The following MLKL variants were observed in gnomAD, a reference collection of about 807,000 sequenced individuals.
The protein encoded by MLKL is mixed lineage kinase domain like pseudokinase, also known as mixed lineage kinase domain-like protein.
In MLKL, 55 loss-of-function variants were observed where a neutral mutation model predicts 56.5. The observed-to-expected ratio is 0.97, with a 90% CI of 0.78 to 1.22. MLKL has a LOEUF of 1.22. MLKL is among the 50% of genes most tolerant of loss of function. The pLI is 0.00. For synonymous variants in MLKL, 251 were observed against 208.3 expected (o/e 1.20, Z -1.76); for missense variants, 694 against 573.9 (o/e 1.21, Z -2.14).
intron 10 of MLKL, among the ~76,000 whole-genome samples, chr16:74,674,082 AT>A (rs1246840356): frequency 5.9e-5 from 9 of 151,398 alleles, no homozygotes; most frequent in African/African-American, 2.2e-4. Flanking sequence ...CCCTTACACT[AT>A]TGACATTGGG....
intron 1 of MLKL, among the ~76,000 whole-genome samples, chr16:74,696,998 C>CAT (rs974506217): frequency 1.4e-5 from 2 of 145,256 alleles, no homozygotes; most frequent in South Asian, 2.1e-4. Context: ...TATAGTAATA[C>CAT]ATATATATAA....
At chr16:74,699,236 A>T (rs755742044) in intron 1 of MLKL, among the ~76,000 whole-genome samples, 1 of 152,254 alleles carries the variant, frequency 6.6e-6, no homozygotes, top group Non-Finnish European at 1.5e-5. Flanking sequence ...CAACCCAGCA[A>T]TCCTTCCCAA....
intron 6 of MLKL, among the ~76,000 whole-genome samples, chr16:74,681,261 A>C (rs893601304): frequency 6.6e-6 from 1 of 151,632 alleles, no homozygotes; most frequent in African/African-American, 2.4e-5. Flanking sequence ...CCTGACCTCA[A>C]GTGATCCACC....
Position 74,672,052 on chromosome 16 carries a change from A to T in MLKL, c.*452T>A, listed in dbSNP as rs1959260023. The T allele has an allele frequency of 6.5e-6, 1 of 154,356 alleles. No homozygotes were observed. Among genetic ancestry groups the T allele is most frequent in the African/African-American group, 2.4e-5 (1 of 41,458 alleles). The allele number at this position is 154,356 out of a possible 1,614,324, so 9.6% of individuals were successfully genotyped here. ...TGGTCTCTCATTCTCCAGCATGCTC[A>T]CTCAACATGTTCATGGCTGGGTAAG... is the stretch of plus-strand genomic sequence containing the variant. On this transcript the variant is annotated 3_prime_UTR_variant, in exon 11 of 11. Coordinates refer to ENST00000308807, the MANE Select transcript of MLKL (RefSeq NM_152649.4).
At chr16:74,681,205 T>C (rs1045813137) in intron 6 of MLKL, among the ~76,000 whole-genome samples, 2 of 151,972 alleles carry the variant, frequency 1.3e-5, no homozygotes, top group African/African-American at 4.8e-5. Flanking sequence ...TCTGTATTTT[T>C]AGTAAAAACA....
At chr16:74,697,664 T>C (rs1372252118) in intron 1 of MLKL, among the ~76,000 whole-genome samples, 1 of 151,924 alleles carries the variant, frequency 6.6e-6, no homozygotes, top group Non-Finnish European at 1.5e-5. Flanking sequence ...GAGACCCATC[T>C]CTACTAAAAA....
chr16:74,681,101 T>C (rs1366527145), intron 6 of MLKL, among the ~76,000 whole-genome samples: 1 of 152,172 alleles, frequency 6.6e-6, no homozygotes, highest in African/African-American at 2.4e-5. Context: ...ATCAGTTCAT[T>C]GAAACCTCCG....
At chr16:74,680,732 C>A (rs1012570606) in intron 6 of MLKL, among the ~76,000 whole-genome samples, 1 of 152,142 alleles carries the variant, frequency 6.6e-6, no homozygotes, top group African/African-American at 2.4e-5. Flanking sequence ...CTCTTGATCT[C>A]TTTACCTTGT....
intron 1 of MLKL, among the ~76,000 whole-genome samples, chr16:74,696,109 C>G (rs1326761876): frequency 6.6e-6 from 1 of 152,170 alleles, no homozygotes; most frequent in Non-Finnish European, 1.5e-5. Flanking sequence ...CCTTGGTTGG[C>G]TGGATGCGTG....
At chr16:74,695,202 T>G in intron 2 of MLKL, 96 bp downstream of exon 2, 2 of 1,311,786 alleles carry the variant, frequency 1.5e-6, no homozygotes, top group Admixed American at 2.0e-5. Context: ...ATATTACAAC[T>G]GCTCAAACTT....
intron 5 of MLKL, among the ~76,000 whole-genome samples, chr16:74,683,817 G>A (rs939791091): frequency 4.1e-4 from 63 of 152,242 alleles, no homozygotes; most frequent in African/African-American, 1.4e-3. Flanking sequence ...TGGCAGGGGC[G>A]GGTGAGGACT....
chr16:74,673,919 T>C (rs1959399782), intron 10 of MLKL, among the ~76,000 whole-genome samples: 1 of 140,718 alleles, frequency 7.1e-6, no homozygotes. Context: ...GCCACTGCAC[T>C]CTGGCCTGGG....
intron 6 of MLKL, among the ~76,000 whole-genome samples, chr16:74,681,148 C>T (rs1959940583): frequency 1.3e-5 from 2 of 152,126 alleles, no homozygotes; most frequent in South Asian, 2.1e-4. Context: ...CCTCAAGCCT[C>T]CTGAGTAGCT....
At chr16:74,688,755 G>C (rs1248765641) in intron 4 of MLKL, among the ~76,000 whole-genome samples, 2 of 151,934 alleles carry the variant, frequency 1.3e-5, no homozygotes, top group Non-Finnish European at 2.9e-5. Context: ...GTACATGAAT[G>C]TACACAGAAA....
chr16:74,689,628 C>T (rs918521752), intron 4 of MLKL, among the ~76,000 whole-genome samples: 1 of 151,870 alleles, frequency 6.6e-6, no homozygotes, highest in Non-Finnish European at 1.5e-5. Context: ...TACCAGATAT[C>T]GAAATTTACT....
chr16:74,685,623 G>A, intron 4 of MLKL, 40 bp from the exon 5 acceptor site: 1 of 1,534,266 alleles, frequency 6.5e-7, no homozygotes, highest in Non-Finnish European at 9.0e-7. Context: ...TTCAGAACTG[G>A]AAGGTTCCTT....
intron 1 of MLKL, among the ~76,000 whole-genome samples, chr16:74,696,221 G>A (rs1961033684): frequency 6.6e-6 from 1 of 152,166 alleles, no homozygotes; most frequent in African/African-American, 2.4e-5. Context: ...GTCTGTCATG[G>A]ACTGTTAAGT....
intron 1 of MLKL, among the ~76,000 whole-genome samples, chr16:74,697,673 A>C (rs996811533): frequency 6.6e-6 from 1 of 151,966 alleles, no homozygotes; most frequent in African/African-American, 2.4e-5. Context: ...CTCTACTAAA[A>C]ATACAAAAAT....
intron 4 of MLKL, among the ~76,000 whole-genome samples, chr16:74,687,601 G>C (rs1463072612): frequency 6.6e-6 from 1 of 151,816 alleles, no homozygotes; most frequent in Admixed American, 6.6e-5. Flanking sequence ...GCTATCATAA[G>C]ACTAGACAAA....
Sources: allele counts gnomAD v4.1 joint callset (sites outside exome capture counted in the v4.1 genomes callset), GRCh38; gene constraint gnomAD v4.1.1; transcripts MANE v1.5; gene names NCBI Gene and HGNC (gene_info 2026-07-23, HGNC 2026-07-21).